GATAD2B: variants seen among roughly 807,000 people sequenced by gnomAD.
The protein encoded by GATAD2B is GATA zinc finger domain containing 2B.
A neutral mutation model predicts 64.3 loss-of-function variants in GATAD2B; 8 were observed. The observed-to-expected ratio is 0.12, with a 90% CI of 0.07 to 0.22. The LOEUF (loss-of-function observed/expected upper bound fraction) is 0.22, where lower values mean the gene tolerates loss of function less well. Ranked by LOEUF, GATAD2B falls within the 10% of genes least tolerant of loss-of-function variation. The pLI, the probability that GATAD2B is intolerant of heterozygous loss-of-function variation, is 1.00. For missense variants in GATAD2B, 453 were observed against 752.0 expected, an observed-to-expected ratio of 0.60 and a Z score of 4.65; for synonymous variants, 281 against 271.3, an observed-to-expected ratio of 1.04 and a Z score of -0.35.
At chr1:153,901,688 G>C (rs961009592) in intron 1 of GATAD2B, among the ~76,000 whole-genome samples, 2 of 151,728 alleles carry the variant, frequency 1.3e-5, no homozygotes, top group Non-Finnish European at 2.9e-5. Context: ...GCCAGGCATG[G>C]TGGCGTGTAC....
intron 1 of GATAD2B, among the ~76,000 whole-genome samples, chr1:153,871,555 T>A (rs946798171): frequency 2.6e-5 from 4 of 151,914 alleles, no homozygotes; most frequent in African/African-American, 9.7e-5. Context: ...CGTGGATATT[T>A]TCCTTGATAT....
chr1:153,876,185 G>A (rs768996565), intron 1 of GATAD2B, among the ~76,000 whole-genome samples: 8 of 121,164 alleles, frequency 6.6e-5, no homozygotes, highest in Non-Finnish European at 1.3e-4. Flanking sequence ...CTGAGATCGC[G>A]CCACTACACT....
intron 1 of GATAD2B, among the ~76,000 whole-genome samples, chr1:153,894,115 A>C (rs1677506618): frequency 1.3e-5 from 2 of 152,168 alleles, no homozygotes; most frequent in African/African-American, 4.8e-5. Context: ...TACCAGAGGA[A>C]GTCAGAATAG....
intron 1 of GATAD2B, among the ~76,000 whole-genome samples, chr1:153,920,882 C>T (rs1678409310): frequency 6.6e-6 from 1 of 152,120 alleles, no homozygotes. Flanking sequence ...ACAGCCTTAC[C>T]ATCAACTAGT....
intron 1 of GATAD2B, among the ~76,000 whole-genome samples, chr1:153,916,600 A>G (rs1034388186): frequency 1.3e-5 from 2 of 152,216 alleles, no homozygotes; most frequent in Non-Finnish European, 2.9e-5. Context: ...GAGAGAAATG[A>G]TAATATATTG....
intron 1 of GATAD2B, among the ~76,000 whole-genome samples, chr1:153,920,895 T>C (rs1678409756): frequency 6.6e-6 from 1 of 152,202 alleles, no homozygotes; most frequent in South Asian, 2.1e-4. Context: ...CAACTAGTTA[T>C]TCATATAAGC....
Position 153,813,404 on chromosome 1 carries a change from T to C in GATAD2B, c.1265A>G (p.Gln422Arg). The change falls in exon 8 of 11, where the codon CAG (glutamine) becomes CGG (arginine). Residue 422 changes from glutamine (Q) to arginine (R), a missense_variant. By Grantham distance (43) the Gln-to-Arg change is conservative (BLOSUM62 1). Around this residue, in one of 2 missense-constraint regions of GATAD2B, gnomAD observed 160 missense variants for 334.7 expected, o/e 0.48. Transcript: ENST00000368655. The stretch of plus-strand genomic sequence containing the variant: ...GTGAGGGGTGAAATCTGTGCGGCAC[T>C]GGGCACATACAAAGGGTTCAACCCG... ...LLRVEPFVCA[Q>R]CRTDFTPHWK... 1.2e-6 allele frequency: 2 copies of C among 1,614,138 alleles called. No homozygotes were observed. The highest frequency in any genetic ancestry group is 1.7e-6 in the Non-Finnish European group (2 of 1,179,976).
chr1:153,908,782 GAAAAAAAA>G (rs1553199454), intron 1 of GATAD2B, among the ~76,000 whole-genome samples: 2 of 31,854 alleles, frequency 6.3e-5, no homozygotes, highest in East Asian at 5.9e-4. Context: ...AACATACTTG[GAAAAAAAA>G]AAAAAAAAAA....
chr1:153,922,781 G>A lies in GATAD2B; in HGVS notation c.-50C>T, dbSNP rs962523521. On this transcript the variant is annotated 5_prime_UTR_variant, in exon 1 of 11. Transcript: ENST00000368655. ...GGCTAGCTCGCCTCCTCAGGCGGCGGCGGAGGCGTCGAAAAAGGAAGAGGC... is the reference window on the plus strand; with the variant it reads ...GGCTAGCTCGCCTCCTCAGGCGGCGACGGAGGCGTCGAAAAAGGAAGAGGC... The A allele has an allele frequency of 6.5e-6, 1 of 152,830 alleles. No individual in the cohort carries two copies. Among genetic ancestry groups the A allele is most frequent in the African/African-American group, 2.4e-5 (1 of 41,320 alleles). 9.5% of individuals were successfully genotyped at this position (152,830 alleles called of 1,614,324 possible).
intron 1 of GATAD2B, among the ~76,000 whole-genome samples, chr1:153,871,591 C>T (rs1347703426): frequency 6.6e-6 from 1 of 152,076 alleles, no homozygotes; most frequent in African/African-American, 2.4e-5. Context: ...CCTGCCTCAG[C>T]CTCCCGAGCA....
intron 1 of GATAD2B, among the ~76,000 whole-genome samples, chr1:153,841,791 TG>T (rs1675505912): frequency 6.6e-6 from 1 of 152,190 alleles, no homozygotes; most frequent in African/African-American, 2.4e-5. Context: ...TTCATTTATC[TG>T]GGATAAATGC....
intron 1 of GATAD2B, among the ~76,000 whole-genome samples, chr1:153,865,240 A>G (rs1570971836): frequency 1.3e-5 from 2 of 152,268 alleles, no homozygotes; most frequent in African/African-American, 4.8e-5. Context: ...CGGGTGGATC[A>G]CCTGAAGTCA....
chr1:153,899,160 C>A (rs2101958396), intron 1 of GATAD2B, among the ~76,000 whole-genome samples: 1 of 152,344 alleles, frequency 6.6e-6, no homozygotes, highest in Non-Finnish European at 1.5e-5. Flanking sequence ...GGAACTGAGG[C>A]TAGAGGACTG....
chr1:153,918,395 C>T (rs757203634), intron 1 of GATAD2B, among the ~76,000 whole-genome samples: 50 of 152,278 alleles, frequency 3.3e-4, no homozygotes, highest in Non-Finnish European at 6.3e-4. Context: ...AGTTTAAATA[C>T]TCTAAAAATG....
intron 1 of GATAD2B, among the ~76,000 whole-genome samples, chr1:153,882,980 G>A (rs1255675937): frequency 1.3e-5 from 2 of 152,174 alleles, no homozygotes; most frequent in Non-Finnish European, 2.9e-5. Context: ...GAGGACCTTT[G>A]CTCTAGGATC....
chr1:153,908,561 C>T (rs918219661), intron 1 of GATAD2B, among the ~76,000 whole-genome samples: 31 of 151,384 alleles, frequency 2.0e-4, no homozygotes, highest in African/African-American at 6.1e-4. Flanking sequence ...CTCCGCCTCC[C>T]GGGTTCCAGC....
At chr1:153,868,634 A>T (rs1366104232) in intron 1 of GATAD2B, among the ~76,000 whole-genome samples, 1 of 152,156 alleles carries the variant, frequency 6.6e-6, no homozygotes, top group Non-Finnish European at 1.5e-5. Flanking sequence ...TTAACATATA[A>T]ACACAGTACA....
chr1:153,892,522 A>C (rs1055168576), intron 1 of GATAD2B, among the ~76,000 whole-genome samples: 2 of 152,186 alleles, frequency 1.3e-5, no homozygotes, highest in South Asian at 2.1e-4. Flanking sequence ...ATAGCTGCTC[A>C]TAACAATTGA....
At chr1:153,820,766 A>T (rs1276957634) in intron 2 of GATAD2B, among the ~76,000 whole-genome samples, 1 of 151,816 alleles carries the variant, frequency 6.6e-6, no homozygotes, top group African/African-American at 2.4e-5. Context: ...AGTAACTGGG[A>T]CTACAGGCAT....
Sources: allele counts gnomAD v4.1 joint callset (sites outside exome capture counted in the v4.1 genomes callset), GRCh38; gene constraint gnomAD v4.1.1; regional missense constraint gnomAD v4.1.1; transcripts MANE v1.5; gene names NCBI Gene and HGNC (gene_info 2026-07-23, HGNC 2026-07-21).